Variants in MACF1 observed in about 807,000 individuals in gnomAD.
The protein encoded by MACF1 is microtubule actin crosslinking factor 1.
In MACF1, 193 loss-of-function variants were observed where a neutral mutation model predicts 854.8. That is an observed-to-expected ratio of 0.23 (90% CI 0.20 to 0.25). MACF1 has a LOEUF of 0.25. Ranked by LOEUF, MACF1 falls within the 10% of genes least tolerant of loss-of-function variation. MACF1 has a pLI of 1.00. For synonymous variants in MACF1, 3,185 were observed against 3,226.7 expected (o/e 0.99, Z 0.44); for missense variants, 7,722 against 8,929.1 (o/e 0.86, Z 5.45).
chr1:39,291,175 C>T (rs750006502), intron 15 of MACF1, among the ~76,000 whole-genome samples: 64 of 151,932 alleles, frequency 4.2e-4, no homozygotes, highest in Non-Finnish European at 8.8e-4. Flanking sequence ...TGGGGTTTCA[C>T]CATGTTGGCC....
In MACF1 at chr1:39,168,348, C is replaced by G. The variant is rs189297644; in HGVS notation, c.221-62834C>G. The stretch of plus-strand genomic sequence containing the variant: ...TATTTCATGGTTTTCCTTAACCTAT[C>G]TGATTGCTGTTTGTCTGCTTTGTTG... On this transcript the variant is annotated intron_variant, in intron 2 of 93. Coordinates refer to the MACF1 transcript ENST00000361689. Among the ~76,000 whole-genome samples the G allele has an allele frequency of 5.7e-4, 87 of 152,290 alleles. 1 individual carries two copies. Among genetic ancestry groups the G allele is most frequent in the African/African-American group, 2.1e-3 (86 of 41,562 alleles).
chr1:39,136,008 G>C (rs1221021147), intron 2 of MACF1, among the ~76,000 whole-genome samples: 1 of 152,100 alleles, frequency 6.6e-6, no homozygotes, highest in Non-Finnish European at 1.5e-5. Flanking sequence ...GTATTTTTAG[G>C]ATATATGTAC....
intron 86 of MACF1, 146 bp from the exon 87 acceptor site, chr1:39,452,538 A>T: frequency 1.7e-6 from 2 of 1,182,406 alleles, no homozygotes; most frequent in South Asian, 3.0e-5. Flanking sequence ...ATTTTCAAAG[A>T]TCTACAAATG....
At chr1:39,436,499 C>T in intron 70 of MACF1, 1 of 1,613,436 alleles carries the variant, frequency 6.2e-7, no homozygotes, top group Middle Eastern at 1.6e-4. Flanking sequence ...AGGTAAGGTA[C>T]CCATCCCCAT....
chr1:39,307,901 CTTT>C (rs34930273), intron 23 of MACF1, among the ~76,000 whole-genome samples: 15 of 50,390 alleles, frequency 3.0e-4, no homozygotes, highest in East Asian at 6.9e-4. Context: ...TTCTTTCTTT[CTTT>C]TTTTTTTTTT....
chr1:39,206,046 G>C (rs1016126034), intron 1 of MACF1, among the ~76,000 whole-genome samples: 4 of 152,156 alleles, frequency 2.6e-5, no homozygotes, highest in African/African-American at 9.7e-5. Flanking sequence ...ACTTTTTATA[G>C]TGTATCTTAC....
chr1:39,474,163 C>T (rs1644830405), intron 97 of MACF1, among the ~76,000 whole-genome samples: 1 of 152,034 alleles, frequency 6.6e-6, no homozygotes, highest in African/African-American at 2.4e-5. Flanking sequence ...CCGAGGCGGG[C>T]AGATCATGAG....
chr1:39,175,203 G>A (rs1207260499), intron 2 of MACF1, among the ~76,000 whole-genome samples: 2 of 152,020 alleles, frequency 1.3e-5, no homozygotes, highest in African/African-American at 4.8e-5. Flanking sequence ...TACACATAAA[G>A]TGAGGATTCC....
At chr1:39,420,566 A>G (rs1570004483) in intron 58 of MACF1, among the ~76,000 whole-genome samples, 1 of 152,190 alleles carries the variant, frequency 6.6e-6, no homozygotes, top group Non-Finnish European at 1.5e-5. Flanking sequence ...TACTTTTATA[A>G]CCTTCCTTTT....
Position 39,084,533 on chromosome 1 carries a change from C to G in MACF1, c.220+95C>G. ...GTGTGGGGAGCCGAGGGGTCCTCAC[C>G]AGGGCCTCTGACAAAGCAGCCATCA... On this transcript the variant is annotated intron_variant, in intron 2 of 93. Transcript: ENST00000361689. This position sits in a 1 kb window ranked among gnomAD's most constrained non-coding sequence, Gnocchi z 5.2. The G allele has an allele frequency of 3.0e-6, 3 of 987,902 alleles. No individual in the cohort carries two copies. The highest frequency in any genetic ancestry group is 4.5e-6 in the Non-Finnish European group (3 of 661,294). 61.2% of individuals were successfully genotyped at this position (987,902 alleles called of 1,614,324 possible). A position where few individuals can be genotyped will look rare whatever the true frequency, so the allele number is the denominator to read the frequency against.
At chr1:39,140,102 T>C (rs1643305292) in intron 2 of MACF1, among the ~76,000 whole-genome samples, 1 of 152,048 alleles carries the variant, frequency 6.6e-6, no homozygotes, top group Admixed American at 6.6e-5. Flanking sequence ...TATAGGTGTA[T>C]GCCACTACAC....
At chr1:39,180,835 G>A (rs1440596569) in intron 2 of MACF1, among the ~76,000 whole-genome samples, 1 of 152,062 alleles carries the variant, frequency 6.6e-6, no homozygotes, top group African/African-American at 2.4e-5. Context: ...TAGGTCTCAG[G>A]GTGTTCAGCT....
At chr1:39,129,941 A>T (rs1423408486) in intron 2 of MACF1, among the ~76,000 whole-genome samples, 1 of 152,146 alleles carries the variant, frequency 6.6e-6, no homozygotes, top group Admixed American at 6.5e-5. Flanking sequence ...ATGGAGTTTG[A>T]TGGTTTTAAC....
chr1:39,248,616 C>T (rs1645007969), intron 2 of MACF1, among the ~76,000 whole-genome samples: 1 of 152,134 alleles, frequency 6.6e-6, no homozygotes, highest in Admixed American at 6.5e-5. Context: ...ATTATAGTAA[C>T]TAAAATTCTA....
At chr1:39,463,277 G>A (rs982520134) in intron 93 of MACF1, among the ~76,000 whole-genome samples, 4 of 152,006 alleles carry the variant, frequency 2.6e-5, no homozygotes, top group East Asian at 1.9e-4. Context: ...ACCTGAGGTC[G>A]GGAGTTCAAG....
chr1:39,446,743 C>T (rs1644239624), intron 80 of MACF1, among the ~76,000 whole-genome samples: 2 of 148,532 alleles, frequency 1.3e-5, no homozygotes, highest in South Asian at 4.3e-4. Context: ...GAGGATGGAG[C>T]TTATGAACTC....
At position 39,387,504 on chromosome 1, in the gene MACF1, A is replaced by G; in HGVS notation, c.14662A>G (p.Ser4888Gly). Reference sequence around the variant, plus strand: ...GCTCAAAAACCATTGGGAAGAGCTTAGTAAAAAAACTGCAGACAGACAATC... The same window carrying G: ...GCTCAAAAACCATTGGGAAGAGCTTGGTAAAAAAACTGCAGACAGACAATC... ...VELKNHWEEL[S>G]KKTADRQSRL... Residue 4888 changes from serine to glycine, a missense_variant, in exon 58 of 101, where the codon AGT (serine) becomes GGT (glycine). By Grantham distance (56) the Ser-to-Gly change is moderately conservative. Coordinates refer to ENST00000564288, the MANE Select transcript of MACF1 (RefSeq NM_001394062.1). The G allele has an allele frequency of 1.9e-6, 3 of 1,614,214 alleles. No individual in the cohort carries two copies. The highest frequency in any genetic ancestry group is 2.5e-6 in the Non-Finnish European group (3 of 1,180,032).
chr1:39,430,126 A>C (rs1365133444), intron 65 of MACF1, 58 bp downstream of exon 65: 22 of 1,551,304 alleles, frequency 1.4e-5, no homozygotes, highest in Non-Finnish European at 1.9e-5. Context: ...CAGAATCCTT[A>C]AGTTTTATCA....
intron 56 of MACF1, 35 bp downstream of exon 56, chr1:39,382,187 A>T (rs1244976306): frequency 1.3e-6 from 2 of 1,589,228 alleles, no homozygotes; most frequent in African/African-American, 1.3e-5. Context: ...TTGGAATCAC[A>T]TGAAACTGGG....
Sources: gnomAD v4.1 joint callset for allele counts (sites outside exome capture counted in the v4.1 genomes callset) on GRCh38, gnomAD v4.1.1 for gene constraint, Gnocchi (gnomAD v3.1) non-coding constraint, MANE v1.5 for transcripts, NCBI Gene and HGNC (gene_info 2026-07-23, HGNC 2026-07-21) for gene names.